Variants in BTBD16 observed in about 807,000 individuals in gnomAD.
BTBD16 encodes BTB/POZ domain-containing protein 16.
Under a neutral mutation model 67.4 loss-of-function variants are expected in BTBD16, and 66 were observed. The ratio of observed to expected loss-of-function variants is 0.98; its 90% confidence interval spans 0.80 to 1.20. The LOEUF is 1.20. Ranked by LOEUF, BTBD16 falls within the 50% of genes most tolerant of loss-of-function variation. The probability of loss-of-function intolerance (pLI) is 0.00; values close to 1 mark genes in which losing one functional copy is unlikely to be tolerated. For synonymous variants in BTBD16, 242 were observed against 236.4 expected (o/e 1.02, Z -0.22); for missense variants, 634 against 616.0 (o/e 1.03, Z -0.31).
chr10:122,299,792 C>A (rs963596138), intron 9 of BTBD16, among the ~76,000 whole-genome samples: 1 of 152,162 alleles, frequency 6.6e-6, no homozygotes, highest in Admixed American at 6.5e-5. Context: ...GATCGGAGGT[C>A]CAATGTCTCT....
Position 122,334,908 on chromosome 10 carries a change from G to A in BTBD16, c.1192G>A (p.Ala398Thr). 1 of 1,570,954 alleles carries A rather than the reference G, an allele frequency of 6.4e-7. No homozygotes were observed. Among genetic ancestry groups the A allele is most frequent in the South Asian group, 1.1e-5 (1 of 89,282 alleles). ...GAATACAACTTATTCGAAAACGATT[G>A]CTCTATATGGATTCTTCTTTAAGAT... The part of the protein sequence containing the change: ...QENTTYSKTI[A>T]LYGFFFKIKG... The change falls in exon 14 of 16, where the codon GCT becomes ACT. Residue 398 changes from alanine to threonine, a missense_variant. Transcript: ENST00000260723.
chr10:122,319,927 T>C (rs1455776753), intron 10 of BTBD16, among the ~76,000 whole-genome samples: 1 of 152,166 alleles, frequency 6.6e-6, no homozygotes, highest in African/African-American at 2.4e-5. Context: ...GCACAGTGTT[T>C]AGAAAATTTA....
chr10:122,282,664 A>G lies in BTBD16; in HGVS notation c.168-1187A>G, dbSNP rs79282674. On this transcript the variant is annotated intron_variant, in intron 3 of 15. Transcript: ENST00000260723. ...CACGATGAGTCCATGGTGTTTATCT[A>G]TGTGGTCATGGATTCATTAATGAAT... is the stretch of plus-strand genomic sequence containing the variant. 1.6e-3 allele frequency among the ~76,000 whole-genome samples: 251 copies of G among 152,288 alleles called. 1 individual carries two copies. The highest frequency in any genetic ancestry group is 2.6e-3 in the Non-Finnish European group (176 of 68,026).
chr10:122,307,410 A>T, intron 10 of BTBD16, 102 bp downstream of exon 10: 1 of 1,272,880 alleles, frequency 7.9e-7, no homozygotes, highest in Non-Finnish European at 1.1e-6. Flanking sequence ...ATAATTTTTC[A>T]TAGCATCATT....
intron 14 of BTBD16, among the ~76,000 whole-genome samples, chr10:122,335,468 A>G (rs1312227340): frequency 1.3e-5 from 2 of 152,214 alleles, no homozygotes; most frequent in East Asian, 3.8e-4. Flanking sequence ...AGGCAGGAGA[A>G]TGTCATATTT....
chr10:122,284,673 ATT>A (rs60823097), intron 4 of BTBD16, among the ~76,000 whole-genome samples: 5,086 of 124,488 alleles, frequency 0.041, 178 homozygotes, highest in East Asian at 0.17. Flanking sequence ...CTTAAAGTGG[ATT>A]TTTTTTTTTT....
intron 10 of BTBD16, chr10:122,327,691 CTCAACAAAGCTGTT>C: frequency 1.0e-6 from 1 of 964,534 alleles, no homozygotes; most frequent in Non-Finnish European, 1.2e-6. Flanking sequence ...AACAAGCTGT[CTCAACAAAGCTGTT>C]TCCAAATCCT....
chr10:122,323,482 G>C (rs2142121436), intron 10 of BTBD16, among the ~76,000 whole-genome samples: 1 of 152,292 alleles, frequency 6.6e-6, no homozygotes, highest in Admixed American at 6.5e-5. Context: ...GGACAGGGCT[G>C]GATCTGAATG....
chr10:122,331,312 CTT>C lies in BTBD16; in HGVS notation c.1086+56_1086+57del, dbSNP rs2096454800. 12 of 1,598,724 alleles carry C rather than the reference CTT, an allele frequency of 7.5e-6. No individual in the cohort carries two copies. The Admixed American group carries it at 8.8e-5, about 12-fold the overall frequency. ...TTGTCGAAGTTTATTGCCTCTCTGA[CTT>C]TGTTTTTTCTGGAGATGTGTTTCAC... On this transcript the variant is annotated intron_variant, in intron 12 of 15. Transcript: ENST00000260723.
At chr10:122,284,050 C>T in intron 4 of BTBD16, 126 bp downstream of exon 4, 1 of 688,308 alleles carries the variant, frequency 1.5e-6, no homozygotes, top group Non-Finnish European at 2.6e-6. Flanking sequence ...TTCTCATCCA[C>T]TTCCCAGCGT....
At chr10:122,287,425 C>A in intron 5 of BTBD16, 1 of 985,336 alleles carries the variant, frequency 1.0e-6, no homozygotes, top group African/African-American at 1.7e-5. Flanking sequence ...AACATTTAGC[C>A]CTGCTAAGAC....
chr10:122,318,571 A>G (rs897099221), intron 10 of BTBD16, among the ~76,000 whole-genome samples: 1 of 152,056 alleles, frequency 6.6e-6, no homozygotes, highest in South Asian at 2.1e-4. Flanking sequence ...CTGTTTTCCA[A>G]TGTGGTTGGA....
At chr10:122,276,354 A>G (rs576940072) in intron 2 of BTBD16, among the ~76,000 whole-genome samples, 2 of 152,294 alleles carry the variant, frequency 1.3e-5, no homozygotes, top group East Asian at 3.9e-4. Context: ...TGTAAAATAG[A>G]TACAATTTTA....
chr10:122,313,682 AT>A (rs2096418663), intron 10 of BTBD16, among the ~76,000 whole-genome samples: 1 of 152,050 alleles, frequency 6.6e-6, no homozygotes, highest in South Asian at 2.1e-4. Flanking sequence ...ATCCAGAAGT[AT>A]TTTTTTAAGT....
intron 15 of BTBD16, among the ~76,000 whole-genome samples, 197 bp downstream of exon 15, chr10:122,336,879 C>T (rs181015034): frequency 4.6e-5 from 7 of 152,134 alleles, no homozygotes; most frequent in Admixed American, 2.0e-4. Context: ...ACCATGGATA[C>T]AGGTAACTAT....
At chr10:122,292,277 T>C (rs2096375492) in intron 7 of BTBD16, among the ~76,000 whole-genome samples, 1 of 152,220 alleles carries the variant, frequency 6.6e-6, no homozygotes, top group Non-Finnish European at 1.5e-5. Context: ...TGTCAGCACA[T>C]AGGGCTTTAG....
At chr10:122,334,060 T>A (rs930581646) in intron 13 of BTBD16, among the ~76,000 whole-genome samples, 5 of 152,196 alleles carry the variant, frequency 3.3e-5, no homozygotes, top group Non-Finnish European at 7.3e-5. Flanking sequence ...TAATTACTAC[T>A]ACCAAGGATT....
chr10:122,305,522 C>G (rs2096402159), intron 9 of BTBD16, among the ~76,000 whole-genome samples: 1 of 152,170 alleles, frequency 6.6e-6, no homozygotes, highest in African/African-American at 2.4e-5. Context: ...GTGACATCCT[C>G]CTCCCCCTTT....
chr10:122,288,437 T>C (rs2096367740), intron 5 of BTBD16, among the ~76,000 whole-genome samples: 1 of 152,200 alleles, frequency 6.6e-6, no homozygotes, highest in South Asian at 2.1e-4. Flanking sequence ...TTGCTCTCTC[T>C]TTCTTTATAG....
Sources: gnomAD v4.1 joint callset for allele counts (sites outside exome capture counted in the v4.1 genomes callset) on GRCh38, gnomAD v4.1.1 for gene constraint, MANE v1.5 for transcripts, NCBI Gene and HGNC (gene_info 2026-07-23, HGNC 2026-07-21) for gene names.